Variants in SLAMF7 observed in about 807,000 individuals in gnomAD.
SLAMF7 encodes the protein 19A24 protein.
A neutral mutation model predicts 34.1 loss-of-function variants in SLAMF7; 26 were observed. The ratio of observed to expected loss-of-function variants is 0.76; its 90% confidence interval spans 0.56 to 1.06. The LOEUF (loss-of-function observed/expected upper bound fraction) is 1.06, where lower values mean the gene tolerates loss of function less well. Among genes scored for constraint, SLAMF7 ranks in the 50% least tolerant of loss-of-function variants. The pLI is 0.00. For missense variants in SLAMF7, 399 were observed against 402.5 expected (o/e 0.99, Z 0.07); for synonymous variants, 171 against 156.4 (o/e 1.09, Z -0.70).
At chr1:160,749,213 T>C (rs954996441) in intron 2 of SLAMF7, among the ~76,000 whole-genome samples, 1 of 152,208 alleles carries the variant, frequency 6.6e-6, no homozygotes, top group African/African-American at 2.4e-5. Flanking sequence ...AGATATGTAT[T>C]CTGCAGGCTA....
At chr1:160,749,634 T>C (rs1313874872) in intron 2 of SLAMF7, among the ~76,000 whole-genome samples, 187 bp from the exon 3 acceptor site, 1 of 152,230 alleles carries the variant, frequency 6.6e-6, no homozygotes, top group African/African-American at 2.4e-5. Flanking sequence ...TATTATTATA[T>C]AGCTATGGTA....
At chr1:160,753,007 T>C in intron 6 of SLAMF7, 99 bp from the exon 7 acceptor site, 2 of 1,133,878 alleles carry the variant, frequency 1.8e-6, no homozygotes, top group South Asian at 2.5e-5. Flanking sequence ...TTGGGTTGGG[T>C]AACCTTGGAA....
chr1:160,746,514 T>C (rs1664143284), intron 1 of SLAMF7, among the ~76,000 whole-genome samples: 1 of 152,220 alleles, frequency 6.6e-6, no homozygotes, highest in Non-Finnish European at 1.5e-5. Flanking sequence ...GAAATAACTT[T>C]GGGTTTTGTA....
At chr1:160,749,750 ATCC>A in intron 2 of SLAMF7, 68 bp from the exon 3 acceptor site, 1 of 1,373,502 alleles carries the variant, frequency 7.3e-7, no homozygotes, top group Non-Finnish European at 9.9e-7. Flanking sequence ...GGTCCAAGGT[ATCC>A]AAGGATAATT....
Position 160,739,333 on chromosome 1 carries a change from T to C in SLAMF7, c.32T>C (p.Ile11Thr). The C allele has an allele frequency of 6.2e-7, 1 of 1,613,862 alleles. No homozygotes were observed. Among genetic ancestry groups the C allele is most frequent in the African/African-American group, 1.3e-5 (1 of 75,010 alleles). The stretch of plus-strand genomic sequence containing the variant: ...GGTTCCCCAACATGCCTCACCCTCA[T>C]CTATATCCTTTGGCAGCTCACAGGT... MAGSPTCLTLIYILWQLTGSA... is the reference protein window; with the variant it reads MAGSPTCLTLTYILWQLTGSA... Residue 11 changes from isoleucine (I) to threonine (T), a missense_variant, in exon 1 of 7, where the codon ATC becomes ACC. Physicochemically the swap from Ile to Thr is moderately conservative, Grantham distance 89 (BLOSUM62 -1). Coordinates refer to ENST00000368043, the MANE Select transcript of SLAMF7 (RefSeq NM_021181.5).
chr1:160,740,398 G>A (rs572484675), intron 1 of SLAMF7, among the ~76,000 whole-genome samples: 3 of 152,142 alleles, frequency 2.0e-5, no homozygotes, highest in Non-Finnish European at 4.4e-5. Context: ...AAAGCTACAG[G>A]TGTCCATCTG....
At chr1:160,749,292 G>T (rs909435612) in intron 2 of SLAMF7, among the ~76,000 whole-genome samples, 7 of 152,366 alleles carry the variant, frequency 4.6e-5, no homozygotes, top group Admixed American at 2.0e-4. Flanking sequence ...TCAAACCCAT[G>T]AGTAGAGAAA....
At chr1:160,746,385 T>A (rs1664135124) in intron 1 of SLAMF7, among the ~76,000 whole-genome samples, 1 of 152,242 alleles carries the variant, frequency 6.6e-6, no homozygotes. Flanking sequence ...ACTGTCAGGA[T>A]CCTATAGCTT....
chr1:160,743,691 G>A (rs1357709075), intron 1 of SLAMF7, among the ~76,000 whole-genome samples: 1 of 152,186 alleles, frequency 6.6e-6, no homozygotes, highest in Non-Finnish European at 1.5e-5. Context: ...GTGGGTAGAG[G>A]TTGGTAGCCA....
intron 6 of SLAMF7, 51 bp from the exon 7 acceptor site, chr1:160,753,055 C>A: frequency 6.4e-7 from 1 of 1,558,462 alleles, no homozygotes; most frequent in South Asian, 1.1e-5. Context: ...CATGGACGAT[C>A]CAGAGCCCTG....
At position 160,748,258 on chromosome 1, in the gene SLAMF7, C is replaced by T. The variant is rs371525592; in HGVS notation, c.120C>T (p.Pro40=). 8.7e-5 allele frequency: 141 copies of T among 1,614,062 alleles called. 2 individuals carry two copies. The South Asian group carries it at 1.4e-3, about 15-fold the overall frequency. Residue 40 remains proline, a synonymous_variant, in exon 2 of 7, where the codon CCC becomes CCT. Coordinates refer to ENST00000368043, the MANE Select transcript of SLAMF7 (RefSeq NM_021181.5). ...CCGTTGGTGGGGCCGTGACTTTCCCCCTGAAGTCCAAAGTAAAGCAAGTTG... is the reference window on the plus strand; with the variant it reads ...CCGTTGGTGGGGCCGTGACTTTCCCTCTGAAGTCCAAAGTAAAGCAAGTTG... ...VGSVGGAVTF[P]LKSKVKQVDS... is the part of the protein sequence containing the mutation.
chr1:160,753,089 T>G lies in SLAMF7; in HGVS notation c.937-17T>G. 6.2e-7 allele frequency: 1 copy of G among 1,613,094 alleles called. No individual in the cohort carries two copies. Among genetic ancestry groups the G allele is most frequent in the Non-Finnish European group, 8.5e-7 (1 of 1,179,408 alleles). On this transcript the variant is annotated splice_polypyrimidine_tract_variant and intron_variant, in intron 6 of 6. Transcript: ENST00000368043. ...TGCTCACCTCCCTCACTCTACTTTCTTTTTGTCTGTCTTCAGATGGAAAAT... is the reference window on the plus strand; with the variant it reads ...TGCTCACCTCCCTCACTCTACTTTCGTTTTGTCTGTCTTCAGATGGAAAAT...
intron 1 of SLAMF7, among the ~76,000 whole-genome samples, 191 bp from the exon 2 acceptor site, chr1:160,748,003 G>C (rs868224535): frequency 4.6e-5 from 7 of 152,134 alleles, no homozygotes; most frequent in Non-Finnish European, 1.0e-4. Flanking sequence ...CTAATATAAT[G>C]CTTCCATGTG....
Position 160,749,908 on chromosome 1 carries a change from A to C in SLAMF7, c.464A>C (p.His155Pro). 1 of 1,614,150 alleles carries C rather than the reference A, an allele frequency of 6.2e-7. No homozygotes were observed. Among genetic ancestry groups the C allele is most frequent in the South Asian group, 1.1e-5 (1 of 91,082 alleles). ...ACCAATCTGACATGCTGCATGGAAC[A>C]TGGGGAAGAGGATGTGATTTATACC... ...CVTNLTCCMEHGEEDVIYTWK... is the reference protein window; with the variant it reads ...CVTNLTCCMEPGEEDVIYTWK... Residue 155 changes from histidine to proline, a missense_variant, in exon 3 of 7, where the codon CAT becomes CCT. By Grantham distance (77) the His-to-Pro change is moderately conservative. Coordinates refer to ENST00000368043, the MANE Select transcript of SLAMF7 (RefSeq NM_021181.5).
Position 160,743,917 on chromosome 1 carries a change from G to A in SLAMF7, c.56-4277G>A, listed in dbSNP as rs150538550. On this transcript the variant is annotated intron_variant, in intron 1 of 6. Transcript: ENST00000368043. ...TTGCCCAGCCTGGTCTCAAACTCCT[G>A]ACCTCAAGTGATCCTCCTGCTTCAG... 7.7e-3 allele frequency among the ~76,000 whole-genome samples: 1,165 copies of A among 152,286 alleles called. 20 individuals carry two copies. The highest frequency in any genetic ancestry group is 0.027 in the African/African-American group (1,118 of 41,556).
At chr1:160,750,583 C>A in intron 4 of SLAMF7, 160 bp downstream of exon 4, 1 of 810,994 alleles carries the variant, frequency 1.2e-6, no homozygotes, top group Middle Eastern at 2.4e-4. Context: ...ATACAGTCAG[C>A]CTGTGCTCCT....
In SLAMF7 at chr1:160,752,193, T is replaced by A. The variant is rs770112578; in HGVS notation, c.881T>A (p.Ile294Asn). 2 of 1,612,788 alleles carry A rather than the reference T, an allele frequency of 1.2e-6. No homozygotes were observed. The highest frequency in any genetic ancestry group is 4.5e-5 in the East Asian group (2 of 44,810). The change falls in exon 6 of 7, where the codon ATC becomes AAC. Residue 294 changes from isoleucine to asparagine, a missense_variant. By Grantham distance (149) the Ile-to-Asn change is moderately radical. Coordinates refer to ENST00000368043, the MANE Select transcript of SLAMF7 (RefSeq NM_021181.5). ...GTTGTTTGTTTTTAAAAGAGAACAA[T>A]CCTAAAGGAAGATCCAGCAAATACG... Reference protein sequence around the residue: ...YDTIPHTNRTILKEDPANTVY... With the variant: ...YDTIPHTNRTNLKEDPANTVY...
intron 6 of SLAMF7, among the ~76,000 whole-genome samples, 169 bp downstream of exon 6, chr1:160,752,417 G>A (rs570727856): frequency 3.3e-5 from 5 of 152,278 alleles, no homozygotes; most frequent in African/African-American, 1.2e-4. Context: ...CATGGGGGAT[G>A]GAAGAGAATT....
At position 160,754,001 on chromosome 1, in the gene SLAMF7, T is replaced by A. The variant is rs1047631873; in HGVS notation, c.*824T>A. On this transcript the variant is annotated 3_prime_UTR_variant, in exon 7 of 7. Transcript: ENST00000368043. The stretch of plus-strand genomic sequence containing the variant: ...AAGAAAAGTCTAGGTTTTAAGGCTG[T>A]GCCAGAACCCATCCCAATAAAGAGA... 6.6e-6 allele frequency: 1 copy of A among 152,482 alleles called. No individual in the cohort carries two copies. The highest frequency in any genetic ancestry group is 1.5e-5 in the Non-Finnish European group (1 of 68,100). The allele number at this position is 152,482 out of a possible 1,614,324, so 9.4% of individuals were successfully genotyped here. A position where few individuals can be genotyped will look rare whatever the true frequency, so the allele number is the denominator to read the frequency against.
Sources: gnomAD v4.1 joint callset for allele counts (sites outside exome capture counted in the v4.1 genomes callset) on GRCh38, gnomAD v4.1.1 for gene constraint, MANE v1.5 for transcripts, NCBI Gene and HGNC (gene_info 2026-07-23, HGNC 2026-07-21) for gene names.